The following GOLIM4 variants were observed in gnomAD, a reference collection of about 807,000 sequenced individuals.
GOLIM4 encodes the protein golgi integral membrane protein 4.
A neutral mutation model predicts 107.4 loss-of-function variants in GOLIM4; 71 were observed. That is an observed-to-expected ratio of 0.66 (90% confidence interval 0.55 to 0.81). GOLIM4 has a LOEUF of 0.81. Ranked by LOEUF, GOLIM4 falls within the 30% of genes least tolerant of loss-of-function variation. GOLIM4 has a pLI of 0.00. For missense variants in GOLIM4, 830 were observed against 826.1 expected (o/e 1.00, Z -0.06); for synonymous variants, 327 against 294.8 (o/e 1.11, Z -1.12).
At chr3:168,075,286 GTTTT>G (rs374374393) in intron 1 of GOLIM4, among the ~76,000 whole-genome samples, 40 of 94,214 alleles carry the variant, frequency 4.2e-4, no homozygotes, top group African/African-American at 1.6e-3. Context: ...ACATTCACTA[GTTTT>G]TTTTTTTTTT....
chr3:168,042,565 G>A (rs539252646), intron 5 of GOLIM4, among the ~76,000 whole-genome samples: 2 of 152,340 alleles, frequency 1.3e-5, no homozygotes, highest in Non-Finnish European at 2.9e-5. Flanking sequence ...ACAGGCGTGA[G>A]CCACCGTCCC....
At chr3:168,036,572 A>C (rs193196333) in intron 8 of GOLIM4, among the ~76,000 whole-genome samples, 6 of 152,286 alleles carry the variant, frequency 3.9e-5, no homozygotes, top group African/African-American at 1.2e-4. Context: ...TACTAGCAGC[A>C]GTTCTCAAAG....
chr3:168,035,867 C>T (rs958749887), intron 8 of GOLIM4, among the ~76,000 whole-genome samples: 5 of 151,536 alleles, frequency 3.3e-5, no homozygotes, highest in African/African-American at 1.2e-4. Context: ...AAAAAACAAC[C>T]TTTGTAGAAA....
chr3:168,010,310 C>T lies in GOLIM4; in HGVS notation c.2050G>A (p.Ala684Thr), dbSNP rs1716921224. 1 of 1,613,824 alleles carries T rather than the reference C, an allele frequency of 6.2e-7. No individual in the cohort carries two copies. The highest frequency in any genetic ancestry group is 1.7e-5 in the Admixed American group (1 of 59,972). ...CGATGTGATTTCTCAGCAACTGCAG[C>T]CCCGTCTTCTTCCTCCTCTTCTTCC... ...EEEEEEEEDG[A>T]AVAEKSHRRA... The change falls in exon 16 of 16, where the codon GCT becomes ACT. Residue 684 changes from alanine (A) to threonine (T), a missense_variant. Physicochemically the swap from Ala to Thr is moderately conservative, Grantham distance 58. Coordinates refer to ENST00000470487, the MANE Select transcript of GOLIM4 (RefSeq NM_014498.5).
In GOLIM4 at chr3:168,043,383, T is replaced by C. The variant is rs766518742; in HGVS notation, c.513A>G (p.Leu171=). 1.9e-6 allele frequency: 3 copies of C among 1,603,658 alleles called. No individual in the cohort carries two copies. Among genetic ancestry groups the C allele is most frequent in the Non-Finnish European group, 1.7e-6 (2 of 1,175,824 alleles). Residue 171 remains leucine, a synonymous_variant, in exon 5 of 16, where the codon CTA becomes CTG. Transcript: ENST00000470487. ...GCTAATCAGATTTCCAAATACCTTT[T>C]AGCTTAGAAAGTTCTTGTTCTTTTT... ...QQEKEQELSK[L]KETVYNLREE...
At chr3:168,010,878 TA>T in intron 14 of GOLIM4, 55 bp from the exon 15 acceptor site, 1 of 1,165,174 alleles carries the variant, frequency 8.6e-7, no homozygotes, top group Non-Finnish European at 1.3e-6. Flanking sequence ...GCACTTGCGA[TA>T]ATATATTTTG....
rs371901596 is a variant in GOLIM4, at chr3:168,036,873, T to C, written c.806A>G (p.Asn269Ser). 70 of 1,613,932 alleles carry C rather than the reference T, an allele frequency of 4.3e-5. 1 individual carries two copies. The highest frequency in any genetic ancestry group is 6.6e-5 in the South Asian group (6 of 91,044). Residue 269 changes from asparagine (N) to serine (S), a missense_variant, in exon 8 of 16, where the codon AAC (asparagine) becomes AGC (serine). Coordinates refer to ENST00000470487, the MANE Select transcript of GOLIM4 (RefSeq NM_014498.5). ...TQVAHSPQGY[N>S]TAREKPTREV... Reference sequence around the variant, plus strand: ...TCGGGTTGGCTTCTCCCTTGCTGTGTTGTAACCTTGTGGAGAATGTGCCAC... The same window carrying C: ...TCGGGTTGGCTTCTCCCTTGCTGTGCTGTAACCTTGTGGAGAATGTGCCAC...
chr3:168,030,127 G>C, intron 9 of GOLIM4, 91 bp from the exon 10 acceptor site: 2 of 1,284,536 alleles, frequency 1.6e-6, no homozygotes, highest in East Asian at 4.7e-5. Flanking sequence ...TCAGGAGGCA[G>C]AGCTGGTTTA....
chr3:168,077,740 T>A (rs536246811), intron 1 of GOLIM4, among the ~76,000 whole-genome samples: 5 of 152,222 alleles, frequency 3.3e-5, no homozygotes, highest in Non-Finnish European at 4.4e-5. Flanking sequence ...TTGGCTATAT[T>A]GTATTTCAGA....
intron 3 of GOLIM4, among the ~76,000 whole-genome samples, chr3:168,045,363 T>G (rs1042560534): frequency 6.6e-6 from 1 of 152,112 alleles, no homozygotes; most frequent in East Asian, 1.9e-4. Context: ...GGGTAAGAAA[T>G]TCTATATACA....
At chr3:168,038,820 C>G (rs1018586056) in intron 7 of GOLIM4, among the ~76,000 whole-genome samples, 3 of 152,164 alleles carry the variant, frequency 2.0e-5, no homozygotes, top group Non-Finnish European at 4.4e-5. Flanking sequence ...AAAATCCTAA[C>G]CTCCAATGTG....
chr3:168,047,585 A>ACC (rs1719383661), intron 2 of GOLIM4, among the ~76,000 whole-genome samples: 1 of 152,230 alleles, frequency 6.6e-6, no homozygotes, highest in African/African-American at 2.4e-5. Flanking sequence ...CTCCTCTGCT[A>ACC]TCCTCTTCCT....
chr3:168,045,533 G>T (rs1343387835), intron 3 of GOLIM4, among the ~76,000 whole-genome samples: 1 of 152,072 alleles, frequency 6.6e-6, no homozygotes, highest in Admixed American at 6.6e-5. Context: ...GGTTCCAGGG[G>T]TATATCTTTG....
chr3:168,088,266 T>C (rs1197881273), intron 1 of GOLIM4, among the ~76,000 whole-genome samples: 2 of 152,090 alleles, frequency 1.3e-5, no homozygotes, highest in African/African-American at 4.8e-5. Context: ...GTAGGGCACA[T>C]AGTGAAAGGA....
chr3:168,013,921 C>T (rs1225080062), intron 14 of GOLIM4, among the ~76,000 whole-genome samples: 1 of 150,838 alleles, frequency 6.6e-6, no homozygotes, highest in Non-Finnish European at 1.5e-5. Context: ...GCACTGAATG[C>T]CCACAAGAGA....
intron 8 of GOLIM4, among the ~76,000 whole-genome samples, chr3:168,033,974 C>G (rs1008712548): frequency 3.3e-5 from 5 of 151,754 alleles, no homozygotes; most frequent in African/African-American, 1.2e-4. Context: ...TTCTCTTTAA[C>G]CTTCAGAAAA....
At chr3:168,091,814 G>T (rs1257763519) in intron 1 of GOLIM4, among the ~76,000 whole-genome samples, 1 of 152,062 alleles carries the variant, frequency 6.6e-6, no homozygotes, top group Non-Finnish European at 1.5e-5. Context: ...AAACGTCAAG[G>T]TTCACACAAA....
chr3:168,067,621 T>TA (rs991143031), intron 1 of GOLIM4, among the ~76,000 whole-genome samples: 1 of 152,062 alleles, frequency 6.6e-6, no homozygotes, highest in Non-Finnish European at 1.5e-5. Flanking sequence ...ATTGTTTATT[T>TA]AAAAATCAAT....
chr3:168,050,468 G>C (rs1349364578), intron 1 of GOLIM4, among the ~76,000 whole-genome samples: 1 of 152,092 alleles, frequency 6.6e-6, no homozygotes, highest in Non-Finnish European at 1.5e-5. Flanking sequence ...CACAGTCTTT[G>C]AGAATTTCAC....
Sources: allele counts gnomAD v4.1 joint callset (sites outside exome capture counted in the v4.1 genomes callset), GRCh38; gene constraint gnomAD v4.1.1; transcripts MANE v1.5; gene names NCBI Gene and HGNC (gene_info 2026-07-23, HGNC 2026-07-21).